MIDEAS: variants seen among roughly 807,000 people sequenced by gnomAD.
MIDEAS encodes the protein mitotic deacetylase associated SANT domain protein.
MIDEAS carries 26 observed loss-of-function variants against 102.7 expected under a neutral mutation model. The ratio of observed to expected loss-of-function variants is 0.25; its 90% confidence interval spans 0.19 to 0.35. MIDEAS has a LOEUF of 0.35. Ranked by LOEUF, MIDEAS falls within the 10% of genes least tolerant of loss-of-function variation. MIDEAS has a pLI of 1.00. For synonymous variants in MIDEAS, 585 were observed against 591.0 expected (o/e 0.99, Z 0.15); for missense variants, 1,231 against 1,435.6 (o/e 0.86, Z 2.30).
At chr14:73,719,671 T>G (rs73297461) in intron 11 of MIDEAS, among the ~76,000 whole-genome samples, 170 bp from the exon 12 acceptor site, 9,653 of 151,676 alleles carry the variant, frequency 0.064, 1,046 homozygotes, top group African/African-American at 0.22. Flanking sequence ...CTCCTCCAAC[T>G]CTGCATCTCT....
At position 73,729,915 on chromosome 14, in the gene MIDEAS, T is replaced by A. The variant is rs749575748; in HGVS notation, c.1820A>T (p.Glu607Val). 1 of 1,611,648 alleles carries A rather than the reference T, an allele frequency of 6.2e-7. No individual in the cohort carries two copies. The highest frequency in any genetic ancestry group is 1.3e-5 in the African/African-American group (1 of 74,888). ...CGCCTTGGTGGGGATGATGAGGGGC[T>A]CGGGCCTGGGCCGCTGCTTTGGTTT... Reference protein sequence around the residue: ...VRKPKQRPRPEPLIIPTKAGT... With the variant: ...VRKPKQRPRPVPLIIPTKAGT... The change falls in exon 4 of 13, where the codon GAG becomes GTG. Residue 607 changes from glutamate (E) to valine (V), a missense_variant. This residue lies in a region of MIDEAS where 758 missense variants were observed against 856.0 expected (regional missense o/e 0.89). Transcript: ENST00000423556.
chr14:73,766,103 C>T lies in MIDEAS; in HGVS notation c.-248+20999G>A, dbSNP rs116276173. Reference sequence around the variant, plus strand: ...AAATAAATCCCATGCACCCAAACCTCTGTCTTTGCTCCTAAGGACCAGACA... The same window carrying T: ...AAATAAATCCCATGCACCCAAACCTTTGTCTTTGCTCCTAAGGACCAGACA... On this transcript the variant is annotated intron_variant, in intron 1 of 11. Transcript: ENST00000394071. 1.3e-3 allele frequency among the ~76,000 whole-genome samples: 191 copies of T among 152,376 alleles called. 1 individual carries two copies. Among genetic ancestry groups the T allele is most frequent in the African/African-American group, 4.4e-3 (185 of 41,592 alleles).
Position 73,729,895 on chromosome 14 carries a change from T to C in MIDEAS, c.1840A>G (p.Lys614Glu), listed in dbSNP as rs1444972950. The C allele has an allele frequency of 1.9e-6, 3 of 1,612,906 alleles. No individual in the cohort carries two copies. The African/African-American group carries it at 4.0e-5, about 22-fold the overall frequency. Reference protein sequence around the residue: ...PRPEPLIIPTKAGTFIAPPVY... With the variant: ...PRPEPLIIPTEAGTFIAPPVY... ...GGAGGGGCGATGAAAGTGCCCGCCT[T>C]GGTGGGGATGATGAGGGGCTCGGGC... Residue 614 changes from lysine to glutamate, a missense_variant, in exon 4 of 13, where the codon AAG (lysine) becomes GAG (glutamate). This residue lies in a region of MIDEAS where 758 missense variants were observed against 856.0 expected (regional missense o/e 0.89). Coordinates refer to ENST00000423556, the MANE Select transcript of MIDEAS (RefSeq NM_001367710.1).
In MIDEAS at chr14:73,742,124, G is replaced by A. The variant is rs17782152; in HGVS notation, c.-247-1869C>T. ...TGGGACTGTCTGGCTCCGCCTCTCC[G>A]AGGGAACATCAAGCCCACAGAACTA... is the stretch of plus-strand genomic sequence containing the variant. On this transcript the variant is annotated intron_variant, in intron 1 of 12. Transcript: ENST00000423556. The surrounding 1 kb of genome is among the most constrained non-coding windows in gnomAD (Gnocchi z 4.4). Among the ~76,000 whole-genome samples the A allele has an allele frequency of 0.039, 5,940 of 152,344 alleles. 139 individuals are homozygous for A. Among genetic ancestry groups the A allele is most frequent in the Middle Eastern group, 0.082 (24 of 294 alleles).
At chr14:73,753,479 C>T (rs1259310448) in intron 1 of MIDEAS, among the ~76,000 whole-genome samples, 1 of 152,168 alleles carries the variant, frequency 6.6e-6, no homozygotes, top group Non-Finnish European at 1.5e-5. Context: ...GGTGAATGGG[C>T]ACAACAGTTT....
intron 1 of MIDEAS, among the ~76,000 whole-genome samples, chr14:73,747,990 G>A (rs1485691150): frequency 6.6e-6 from 1 of 152,210 alleles, no homozygotes; most frequent in East Asian, 1.9e-4. Flanking sequence ...TGTTTACTGA[G>A]CACTTACTAT....
upstream of MIDEAS, among the ~76,000 whole-genome samples, chr14:73,788,782 G>A (rs147944445): frequency 2.0e-5 from 3 of 152,286 alleles, no homozygotes; most frequent in Non-Finnish European, 4.4e-5. Flanking sequence ...TAATTCCTTA[G>A]TGCATTCTGC....
intron 4 of MIDEAS, chr14:73,729,025 A>G (rs1205702563): frequency 6.6e-6 from 1 of 152,454 alleles, no homozygotes; most frequent in Non-Finnish European, 1.5e-5. Context: ...ACCCTAAGGG[A>G]TTGGATTATC....
intron 1 of MIDEAS, among the ~76,000 whole-genome samples, chr14:73,781,506 G>T (rs1457687169): frequency 6.6e-6 from 1 of 151,906 alleles, no homozygotes; most frequent in Non-Finnish European, 1.5e-5. Flanking sequence ...AGGCGGAGGA[G>T]GGCAGATCAC....
rs964067106 is a variant in MIDEAS at position 73,727,585 on chromosome 14, C to T, written c.2096-61G>A. ...CCCTTTCAGCAAAGCACCCCCAATCCTAGTGGCTGCCCTGTATGTGCAAGA... is the reference window on the plus strand; with the variant it reads ...CCCTTTCAGCAAAGCACCCCCAATCTTAGTGGCTGCCCTGTATGTGCAAGA... On this transcript the variant is annotated intron_variant, in intron 4 of 12. Transcript: ENST00000423556. The T allele has an allele frequency of 6.7e-6, 10 of 1,482,360 alleles. No individual in the cohort carries two copies. In the South Asian group the frequency reaches 1.2e-4, roughly 17 times the overall value. 91.8% of individuals were successfully genotyped at this position (1,482,360 alleles called of 1,614,324 possible). A position where few individuals can be genotyped will look rare whatever the true frequency, so the allele number is the denominator to read the frequency against.
intron 9 of MIDEAS, chr14:73,723,541 A>G (rs1483553408): frequency 6.6e-6 from 1 of 152,242 alleles, no homozygotes; most frequent in African/African-American, 2.4e-5. Flanking sequence ...TACGTGCTGA[A>G]AGGTTTTAGT....
chr14:73,764,339 C>CAAAAAAAAAAAAAAAAAAAAAAAAAAAA (rs5809629), upstream of MIDEAS, among the ~76,000 whole-genome samples: 1 of 88,256 alleles, frequency 1.1e-5, no homozygotes, highest in Non-Finnish European at 2.2e-5. Context: ...GACCCTGTCT[C>CAAAAAAAAAAAAAAAAAAAAAAAAAAAA]AAAAAAAAAA....
At chr14:73,789,931 A>C (rs1157781772), upstream of MIDEAS, 1 of 152,286 alleles carries the variant, frequency 6.6e-6, no homozygotes, top group East Asian at 1.9e-4. Context: ...GCTTGGCCCA[A>C]ACAGTGGCTG....
intron 1 of MIDEAS, among the ~76,000 whole-genome samples, chr14:73,753,702 G>T (rs548578961): frequency 1.3e-5 from 2 of 152,278 alleles, no homozygotes; most frequent in Non-Finnish European, 2.9e-5. Flanking sequence ...GGCAAGGGCG[G>T]GACAGGGAGA....
upstream of MIDEAS, among the ~76,000 whole-genome samples, chr14:73,789,272 C>T (rs2053847279): frequency 6.6e-6 from 1 of 152,082 alleles, no homozygotes; most frequent in African/African-American, 2.4e-5. Flanking sequence ...CCTCTCTATG[C>T]CTTTCACTCT....
Position 73,715,286 on chromosome 14 carries a change from A to C in MIDEAS, c.*3557T>G, listed in dbSNP as rs1315460724. 1 of 152,662 alleles carries C rather than the reference A, an allele frequency of 6.6e-6. No individual in the cohort carries two copies. The highest frequency in any genetic ancestry group is 1.5e-5 in the Non-Finnish European group (1 of 68,042). 9.5% of individuals were successfully genotyped at this position (152,662 alleles called of 1,614,324 possible). The stretch of plus-strand genomic sequence containing the variant: ...AAAAATAAAATCTTCAGTCTCTATC[A>C]CAACTGTACAGCAAAAGAGGTAATA... On this transcript the variant is annotated 3_prime_UTR_variant, in exon 13 of 13. Transcript: ENST00000423556.
chr14:73,768,263 A>C (rs1023357134), intron 1 of MIDEAS, among the ~76,000 whole-genome samples: 2 of 152,178 alleles, frequency 1.3e-5, no homozygotes, highest in Admixed American at 6.5e-5. Context: ...CCCATTTTAT[A>C]GATAAGGAAG....
At chr14:73,773,029 G>A (rs949210662) in intron 1 of MIDEAS, among the ~76,000 whole-genome samples, 2 of 151,944 alleles carry the variant, frequency 1.3e-5, no homozygotes, top group African/African-American at 4.8e-5. Flanking sequence ...GTAGAGATGG[G>A]GTTTCTCCAT....
rs1387011449 is a variant in MIDEAS, at chr14:73,719,427, C to T, written c.3012G>A (p.Lys1004=). Residue 1004 remains lysine (K), a synonymous_variant, in exon 12 of 13, where the codon AAG becomes AAA. Coordinates refer to ENST00000423556, the MANE Select transcript of MIDEAS (RefSeq NM_001367710.1). ...PGSAGGQASE[K]PREGTGKSRR... Reference sequence around the variant, plus strand: ...GTGACTTCCCTGTCCCTTCCCTTGGCTTCTCCGAGGCCTGGCCACCGGCAG... The same window carrying T: ...GTGACTTCCCTGTCCCTTCCCTTGGTTTCTCCGAGGCCTGGCCACCGGCAG... 2 of 1,614,010 alleles carry T rather than the reference C, an allele frequency of 1.2e-6. No individual in the cohort carries two copies. Among genetic ancestry groups the T allele is most frequent in the African/African-American group, 1.3e-5 (1 of 74,926 alleles).
Sources: gnomAD v4.1 joint callset for allele counts (sites outside exome capture counted in the v4.1 genomes callset) on GRCh38, gnomAD v4.1.1 for gene constraint, gnomAD v4.1.1 regional missense constraint, Gnocchi (gnomAD v3.1) non-coding constraint, MANE v1.5 for transcripts, NCBI Gene and HGNC (gene_info 2026-07-23, HGNC 2026-07-21) for gene names.